The following KCNQ3 variants were observed in gnomAD, a reference collection of about 807,000 sequenced individuals.
KCNQ3 encodes the protein potassium voltage-gated channel subfamily KQT member 3.
Under a neutral mutation model 92.5 loss-of-function variants are expected in KCNQ3, and 30 were observed. The ratio of observed to expected loss-of-function variants is 0.32; its 90% confidence interval spans 0.24 to 0.44. The LOEUF (loss-of-function observed/expected upper bound fraction) is 0.44, where lower values mean the gene tolerates loss of function less well. Ranked by LOEUF, KCNQ3 falls within the 20% of genes least tolerant of loss-of-function variation. The pLI, the probability that KCNQ3 is intolerant of heterozygous loss-of-function variation, is 1.00. For missense variants in KCNQ3, 913 were observed against 1,140.3 expected, an observed-to-expected ratio of 0.80 and a Z score of 2.87; for synonymous variants, 450 against 468.8, an observed-to-expected ratio of 0.96 and a Z score of 0.52.
chr8:132,299,006 G>A (rs1476318803), intron 1 of KCNQ3, among the ~76,000 whole-genome samples: 1 of 151,916 alleles, frequency 6.6e-6, no homozygotes, highest in Non-Finnish European at 1.5e-5. Flanking sequence ...ATGACACAGA[G>A]TTTAACAGGG....
At chr8:132,214,291 G>T (rs1813956597) in intron 1 of KCNQ3, among the ~76,000 whole-genome samples, 1 of 152,176 alleles carries the variant, frequency 6.6e-6, no homozygotes, top group Non-Finnish European at 1.5e-5. Flanking sequence ...GCAGGTAAAT[G>T]TTTCCTCCTG....
intron 1 of KCNQ3, among the ~76,000 whole-genome samples, chr8:132,402,336 G>A (rs1306396614): frequency 6.6e-6 from 1 of 152,108 alleles, no homozygotes; most frequent in Non-Finnish European, 1.5e-5. Flanking sequence ...GAACTTGCTC[G>A]GCTTCTGGTG....
At position 132,160,212 on chromosome 8, in the gene KCNQ3, C is replaced by T. The variant is rs535262636; in HGVS notation, c.1262+3256G>A. Among the ~76,000 whole-genome samples, 12 of 152,248 alleles carry T rather than the reference C, an allele frequency of 7.9e-5. No homozygotes were observed. The South Asian group carries it at 2.5e-3, about 32-fold the overall frequency. On this transcript the variant is annotated intron_variant, in intron 9 of 14. Transcript: ENST00000388996. ...AGGGAAGACAAGAGCTGAGATCATG[C>T]GTCCATTGTATTAGCCGAGGTCATT...
chr8:132,173,223 G>A (rs565673525), intron 6 of KCNQ3, among the ~76,000 whole-genome samples: 1 of 152,262 alleles, frequency 6.6e-6, no homozygotes, highest in African/African-American at 2.4e-5. Flanking sequence ...GGATTAAGTG[G>A]CCAGAAACAC....
chr8:132,447,891 C>T (rs751648185), intron 1 of KCNQ3, among the ~76,000 whole-genome samples: 1 of 152,202 alleles, frequency 6.6e-6, no homozygotes, highest in Middle Eastern at 3.2e-3. Context: ...GTACTACCTG[C>T]TGGGCATCAC....
intron 1 of KCNQ3, among the ~76,000 whole-genome samples, chr8:132,409,080 A>G (rs1369217384): frequency 6.6e-6 from 1 of 152,192 alleles, no homozygotes; most frequent in Non-Finnish European, 1.5e-5. Flanking sequence ...GTAAAATCTC[A>G]AAGAGTCCTT....
At chr8:132,194,299 C>T (rs967314350) in intron 1 of KCNQ3, among the ~76,000 whole-genome samples, 1 of 152,204 alleles carries the variant, frequency 6.6e-6, no homozygotes, top group Admixed American at 6.5e-5. Context: ...GGAGACATAA[C>T]CTTAAAAGGC....
chr8:132,307,938 A>G (rs959686129), intron 1 of KCNQ3, among the ~76,000 whole-genome samples: 1 of 152,130 alleles, frequency 6.6e-6, no homozygotes, highest in Non-Finnish European at 1.5e-5. Context: ...AAATGTGTCC[A>G]CCAGCTTCTT....
At chr8:132,438,980 T>A (rs1362282840) in intron 1 of KCNQ3, among the ~76,000 whole-genome samples, 1 of 149,406 alleles carries the variant, frequency 6.7e-6, no homozygotes, top group African/African-American at 2.5e-5. Flanking sequence ...AGCCGCAGTG[T>A]GACGGAGGCC....
rs1376562989 is a variant in KCNQ3 at position 132,126,194 on chromosome 8, G to T, written c.*3068C>A. On this transcript the variant is annotated 3_prime_UTR_variant, in exon 15 of 15. Coordinates refer to ENST00000388996, the MANE Select transcript of KCNQ3 (RefSeq NM_004519.4). ...ATATTTCATGGAGTTCTGCTGAAAC[G>T]ATTGCAATTTCTTGGGCAAGTTTCA... 1 of 152,176 alleles carries T rather than the reference G, an allele frequency of 6.6e-6. No individual in the cohort carries two copies. Among genetic ancestry groups the T allele is most frequent in the Non-Finnish European group, 1.5e-5 (1 of 68,044 alleles). The allele number at this position is 152,176 out of a possible 1,614,324, so 9.4% of individuals were successfully genotyped here.
chr8:132,264,654 C>G (rs140924557), intron 1 of KCNQ3, among the ~76,000 whole-genome samples: 16 of 152,286 alleles, frequency 1.1e-4, no homozygotes, highest in Admixed American at 2.0e-4. Context: ...CAGGTCTGGG[C>G]GAAGAGCATT....
chr8:132,274,040 C>T (rs773767986), intron 1 of KCNQ3, among the ~76,000 whole-genome samples: 2 of 152,180 alleles, frequency 1.3e-5, no homozygotes, highest in Non-Finnish European at 2.9e-5. Flanking sequence ...TCCTGTTACC[C>T]AGTTCCAAAG....
intron 1 of KCNQ3, among the ~76,000 whole-genome samples, chr8:132,263,871 T>C (rs1438209226): frequency 2.6e-5 from 4 of 152,108 alleles, no homozygotes; most frequent in Admixed American, 2.6e-4. Flanking sequence ...TGACTGAAGA[T>C]CTCCAGCTCT....
chr8:132,205,703 T>C (rs1237759504), intron 1 of KCNQ3, among the ~76,000 whole-genome samples: 1 of 152,206 alleles, frequency 6.6e-6, no homozygotes, highest in Non-Finnish European at 1.5e-5. Context: ...GTGTCCACTA[T>C]GTGAGACTAT....
chr8:132,435,364 A>G (rs989447072), intron 1 of KCNQ3, among the ~76,000 whole-genome samples: 2 of 152,234 alleles, frequency 1.3e-5, no homozygotes, highest in Admixed American at 1.3e-4. Context: ...CCACCGTGCC[A>G]GCCGACCAGT....
At chr8:132,381,985 C>T (rs751518057) in intron 1 of KCNQ3, among the ~76,000 whole-genome samples, 1 of 152,214 alleles carries the variant, frequency 6.6e-6, no homozygotes, top group Admixed American at 6.5e-5. Flanking sequence ...AGGCCTGCCT[C>T]GTCATGGCAT....
intron 1 of KCNQ3, among the ~76,000 whole-genome samples, chr8:132,208,580 G>A (rs777284181): frequency 3.9e-5 from 6 of 152,114 alleles, no homozygotes; most frequent in Non-Finnish European, 7.4e-5. Flanking sequence ...AGAACAGGCT[G>A]CATATGTTTT....
rs563579983 is a variant in KCNQ3 at position 132,467,916 on chromosome 8, C to T, written c.386+12231G>A. ...TGGCTGAATGGATGCCCGCCTTGCACGAAGACTTGGTTTGGGTCCTCCCCT... is the reference window on the plus strand; with the variant it reads ...TGGCTGAATGGATGCCCGCCTTGCATGAAGACTTGGTTTGGGTCCTCCCCT... On this transcript the variant is annotated intron_variant, in intron 1 of 14. Transcript: ENST00000388996. Among the ~76,000 whole-genome samples, 5 of 152,258 alleles carry T rather than the reference C, an allele frequency of 3.3e-5. No homozygotes were observed. The South Asian group carries it at 1.0e-3, about 32-fold the overall frequency.
rs776548429 is a variant in KCNQ3, at chr8:132,480,313, G to A, written c.220C>T (p.Arg74Cys). Residue 74 changes from arginine (R) to cysteine (C), a missense_variant, in exon 1 of 15, where the codon CGC (arginine) becomes TGC (cysteine). Physicochemically the swap from Arg to Cys is radical, Grantham distance 180 (BLOSUM62 -3). Transcript: ENST00000388996. ...GGGGTCCTCCGCTGCCCCTCGTCGC[G>A]GCCGCCGCCCTCCAGCAGCAGGGTC... ...DGTLLLEGGG[R>C]DEGQRRTPQG... The A allele has an allele frequency of 6.2e-7, 1 of 1,601,782 alleles. No individual in the cohort carries two copies. Among genetic ancestry groups the A allele is most frequent in the African/African-American group, 1.3e-5 (1 of 74,612 alleles).
Sources: gnomAD v4.1 joint callset for allele counts (sites outside exome capture counted in the v4.1 genomes callset) on GRCh38, gnomAD v4.1.1 for gene constraint, MANE v1.5 for transcripts, NCBI Gene and HGNC (gene_info 2026-07-23, HGNC 2026-07-21) for gene names.